The following EFEMP2 variants were observed in gnomAD, a reference collection of about 807,000 sequenced individuals.
EFEMP2 encodes the protein EGF-like fibulin extracellular matrix protein 2.
Under a neutral mutation model 55.3 loss-of-function variants are expected in EFEMP2, and 21 were observed. The ratio of observed to expected loss-of-function variants is 0.38; its 90% confidence interval spans 0.27 to 0.55. The LOEUF (loss-of-function observed/expected upper bound fraction) is 0.55. Among genes scored for constraint, EFEMP2 ranks in the 20% least tolerant of loss-of-function variants. The pLI, the probability that EFEMP2 is intolerant of heterozygous loss-of-function variation, is 0.77. For missense variants in EFEMP2, 513 were observed against 615.1 expected (o/e 0.83, Z 1.76); for synonymous variants, 275 against 242.3 (o/e 1.14, Z -1.25).
intron 1 of EFEMP2, 40 bp from the exon 2 acceptor site, chr11:65,872,401 G>C (rs759308053): frequency 5.7e-6 from 8 of 1,402,080 alleles, no homozygotes; most frequent in Admixed American, 2.0e-5. Context: ...CTCTGCCCGC[G>C]GCACCTCAAC....
intron 10 of EFEMP2, 123 bp downstream of exon 10, chr11:65,867,738 G>T: frequency 9.2e-7 from 1 of 1,083,542 alleles, no homozygotes; most frequent in Non-Finnish European, 1.4e-6. Flanking sequence ...CAGAAACCCC[G>T]CCTCCGGGGG....
rs1481561102 is a variant in EFEMP2, at chr11:65,872,745, G to T, written c.-70C>A. ...GGCTCGGCTGGCTCGGGCAATGCCT[G>T]CGGGCAGACGGACGGGCGGACGGCA... is the stretch of plus-strand genomic sequence containing the variant. On this transcript the variant is annotated 5_prime_UTR_variant, in exon 1 of 11. Transcript: ENST00000307998. 2 of 333,948 alleles carry T rather than the reference G, an allele frequency of 6.0e-6. No individual in the cohort carries two copies. Among genetic ancestry groups the T allele is most frequent in the Non-Finnish European group, 1.2e-5 (2 of 163,204 alleles). 20.7% of individuals were successfully genotyped at this position (333,948 alleles called of 1,614,324 possible).
At chr11:65,872,571 C>T (rs1448232267) in intron 1 of EFEMP2, 112 bp downstream of exon 1, 1 of 403,556 alleles carries the variant, frequency 2.5e-6, no homozygotes, top group Non-Finnish European at 4.4e-6. Flanking sequence ...CCCCGCCCCG[C>T]GCCCCTGCGG....
intron 1 of EFEMP2, 52 bp from the exon 2 acceptor site, chr11:65,872,413 C>T: frequency 1.5e-6 from 2 of 1,324,016 alleles, no homozygotes; most frequent in South Asian, 1.3e-5. Flanking sequence ...CACCTCAACT[C>T]CCTGTACCGG....
At chr11:65,872,462 C>T in intron 1 of EFEMP2, 101 bp from the exon 2 acceptor site, 2 of 815,284 alleles carry the variant, frequency 2.5e-6, no homozygotes, top group Non-Finnish European at 4.0e-6. Flanking sequence ...CGCTCAGGAC[C>T]GTGCTTGGGC....
chr11:65,868,118 C>G (rs1185149015), intron 9 of EFEMP2, 62 bp from the exon 10 acceptor site: 2 of 1,587,612 alleles, frequency 1.3e-6, no homozygotes, highest in Admixed American at 3.5e-5. Context: ...ATTTCTCCTA[C>G]CCTACAAAGG....
rs750260446 is a variant in EFEMP2, at chr11:65,868,324, G to A, written c.945C>T (p.Cys315=). 3 of 1,613,682 alleles carry A rather than the reference G, an allele frequency of 1.9e-6. No homozygotes were observed. The highest frequency in any genetic ancestry group is 2.5e-6 in the Non-Finnish European group (3 of 1,180,030). ...GGYRCVDTNR[C]VEPYIQVSEN... ...CAGAGACCTGGATGTAGGGCTCCAC[G>A]CAGCGGTTGGTGTCCACGCAGCGGT... Residue 315 remains cysteine (C), a synonymous_variant, in exon 9 of 11, where the codon TGC becomes TGT. Transcript: ENST00000307998.
intron 3 of EFEMP2, 73 bp downstream of exon 3, chr11:65,871,897 G>A: frequency 6.5e-7 from 1 of 1,528,538 alleles, no homozygotes; most frequent in Non-Finnish European, 8.9e-7. Flanking sequence ...TGGAGGTGGG[G>A]CTGTCCCTTG....
chr11:65,866,641 C>T lies in EFEMP2; in HGVS notation c.*277G>A. On this transcript the variant is annotated 3_prime_UTR_variant, in exon 11 of 11. Transcript: ENST00000307998. ...GCCTGGAGTCCGCCCTCCTCGTTAC[C>T]TCCTCTCCTCTCGGGGTGACTGAAG... The T allele has an allele frequency of 1.4e-6, 1 of 703,416 alleles. No homozygotes were observed. The highest frequency in any genetic ancestry group is 2.6e-6 in the Non-Finnish European group (1 of 385,440). 43.6% of individuals were successfully genotyped at this position (703,416 alleles called of 1,614,324 possible). A position where few individuals can be genotyped will look rare whatever the true frequency, so the allele number is the denominator to read the frequency against.
rs1200988202 is a variant in EFEMP2 at position 65,867,710 on chromosome 11, A to AG, written c.1170+150dup. The stretch of plus-strand genomic sequence containing the variant: ...ATTTAACCGTTAGAATTGCATTTAG[A>AG]GTACCCCCGTCTTCCTGCAGAAACC... On this transcript the variant is annotated intron_variant, in intron 10 of 10. Transcript: ENST00000307998. 3 of 794,004 alleles carry AG rather than the reference A, an allele frequency of 3.8e-6. No homozygotes were observed. The East Asian group carries it at 8.0e-5, about 21-fold the overall frequency. The allele number at this position is 794,004 out of a possible 1,614,324, so 49.2% of individuals were successfully genotyped here.
chr11:65,872,671 A>G lies in EFEMP2; in HGVS notation c.-8+12T>C. 3.0e-6 allele frequency: 1 copy of G among 334,948 alleles called. No homozygotes were observed. The highest frequency in any genetic ancestry group is 5.9e-6 in the Non-Finnish European group (1 of 170,308). The allele number at this position is 334,948 out of a possible 1,614,324, so 20.7% of individuals were successfully genotyped here. On this transcript the variant is annotated intron_variant, in intron 1 of 10. Transcript: ENST00000307998. ...CCCACGCCCTCCCCCACGGACGGTC[A>G]CAGCCACTCACTTGGGCCCGCGACA...
In EFEMP2 at chr11:65,870,438, C is replaced by T. The variant is rs1165748252; in HGVS notation, c.490+98G>A. The T allele has an allele frequency of 2.3e-5, 36 of 1,571,052 alleles. No individual in the cohort carries two copies. In the East Asian group the frequency reaches 2.5e-4, roughly 11 times the overall value. ...TGACGGAGGGTGAGGTGGCAGGGGC[C>T]GGGGGTGAAGCCTGGCTTGAATGGG... On this transcript the variant is annotated intron_variant, in intron 5 of 10. Coordinates refer to ENST00000307998, the MANE Select transcript of EFEMP2 (RefSeq NM_016938.5).
Position 65,866,778 on chromosome 11 carries a change from G to C in EFEMP2, c.*140C>G. The C allele has an allele frequency of 8.8e-7, 1 of 1,133,830 alleles. No individual in the cohort carries two copies. Among genetic ancestry groups the C allele is most frequent in the South Asian group, 1.3e-5 (1 of 76,212 alleles). The allele number at this position is 1,133,830 out of a possible 1,614,324, so 70.2% of individuals were successfully genotyped here. A position where few individuals can be genotyped will look rare whatever the true frequency, so the allele number is the denominator to read the frequency against. On this transcript the variant is annotated 3_prime_UTR_variant, in exon 11 of 11. Coordinates refer to ENST00000307998, the MANE Select transcript of EFEMP2 (RefSeq NM_016938.5). ...CCCCCCCAAGTGCCACCCTGCCCCA[G>C]CCTGAGGCTTCCTGCAGTGTGACCC...
Position 65,868,623 on chromosome 11 carries a change from TC to T in EFEMP2, c.733del (p.Asp245MetfsTer104). ...HRDGFSCSDIDECSYSSYLCQ... is the reference protein window; with the variant it reads ...HRDGFSCSDIXECSYSSYLCQ... ...GAGGTAGCTGGAGTAGCTACACTCA[TC>T]AATATCTGAGGAAGCATGGGGATGG... On this transcript the variant is annotated frameshift_variant, in exon 8 of 11. Transcript: ENST00000307998. LOFTEE classifies it high-confidence loss of function. The T allele has an allele frequency of 6.2e-7, 1 of 1,613,836 alleles. No individual in the cohort carries two copies. Among genetic ancestry groups the T allele is most frequent in the Non-Finnish European group, 8.5e-7 (1 of 1,180,004 alleles).
chr11:65,872,449 G>T, intron 1 of EFEMP2, 88 bp from the exon 2 acceptor site: 1 of 922,794 alleles, frequency 1.1e-6, no homozygotes, highest in Non-Finnish European at 1.7e-6. Flanking sequence ...CCCCGCCACT[G>T]CCCGCTCAGG....
intron 10 of EFEMP2, 115 bp from the exon 11 acceptor site, chr11:65,867,194 G>T: frequency 7.7e-7 from 1 of 1,293,182 alleles, no homozygotes; most frequent in Non-Finnish European, 1.1e-6. Flanking sequence ...GCCCTGGCCA[G>T]GCTGCCACCC....
chr11:65,872,785 C>A lies in EFEMP2; in HGVS notation c.-110G>T. ...GGCGGACGGCACAGCTCCCTGGACG[C>A]GCGGCCCCAGGAAGCGCCCCCCGCC... On this transcript the variant is annotated 5_prime_UTR_variant, in exon 1 of 11. Coordinates refer to ENST00000307998, the MANE Select transcript of EFEMP2 (RefSeq NM_016938.5). 1 of 247,256 alleles carries A rather than the reference C, an allele frequency of 4.0e-6. No homozygotes were observed. The highest frequency in any genetic ancestry group is 4.0e-5 in the Admixed American group (1 of 25,042). 15.3% of individuals were successfully genotyped at this position (247,256 alleles called of 1,614,324 possible). A position where few individuals can be genotyped will look rare whatever the true frequency, so the allele number is the denominator to read the frequency against.
intron 3 of EFEMP2, chr11:65,871,759 A>G: frequency 1.6e-6 from 1 of 643,554 alleles, no homozygotes; most frequent in Non-Finnish European, 2.8e-6. Context: ...GGGTAGGGAC[A>G]AGGTTTCCTG....
chr11:65,870,907 A>C (rs1477954470), intron 4 of EFEMP2: 1 of 707,714 alleles, frequency 1.4e-6, no homozygotes, highest in Non-Finnish European at 2.4e-6. Flanking sequence ...TGTGGCTCCC[A>C]GGGGACAGAC....
Sources: allele counts gnomAD v4.1 joint callset, GRCh38; gene constraint gnomAD v4.1.1; transcripts MANE v1.5; gene names NCBI Gene and HGNC (gene_info 2026-07-23, HGNC 2026-07-21).